The following CLEC4A variants were observed in gnomAD, a reference collection of about 807,000 sequenced individuals.
CLEC4A encodes C-type (calcium dependent, carbohydrate-recognition domain) lectin, superfamily member 6.
Under a neutral mutation model 32.7 loss-of-function variants are expected in CLEC4A, and 27 were observed. The observed-to-expected ratio is 0.83, with a 90% confidence interval of 0.61 to 1.14. CLEC4A has a LOEUF of 1.14. Among genes scored for constraint, CLEC4A ranks in the 50% most tolerant of loss-of-function variants. The pLI is 0.00. For synonymous variants in CLEC4A, 89 were observed against 93.7 expected (o/e 0.95, Z 0.29); for missense variants, 253 against 274.6 (o/e 0.92, Z 0.55).
rs2120571523 is a variant in CLEC4A at position 8,125,596 on chromosome 12, A to G, written c.118A>G (p.Thr40Ala). The change falls in exon 2 of 6, where the codon ACC becomes GCC. Residue 40 changes from threonine (T) to alanine (A), a missense_variant. Transcript: ENST00000229332. ...KERTAPHKSN[T>A]GFPKLLCASL... The stretch of plus-strand genomic sequence containing the variant: ...GAGGACTGCCCCTCACAAAAGTAAT[A>G]CCGGATTCCCCAAGCTGCTTTGTGC... The G allele has an allele frequency of 1.2e-6, 2 of 1,613,050 alleles. No homozygotes were observed. The highest frequency in any genetic ancestry group is 1.7e-6 in the Non-Finnish European group (2 of 1,179,076).
intron 4 of CLEC4A, 49 bp from the exon 5 acceptor site, chr12:8,136,739 T>C: frequency 1.7e-6 from 2 of 1,166,986 alleles, no homozygotes; most frequent in Non-Finnish European, 2.6e-6. Context: ...AAGAATTCAG[T>C]TTAAGCTGAA....
the CLEC4A span, among the ~76,000 whole-genome samples, chr12:8,105,558 G>A: frequency 1.3e-5 from 2 of 151,986 alleles, no homozygotes; most frequent in Admixed American, 6.5e-5. Context: ...CACCATCTTG[G>A]CCAGGCTGGT....
chr12:8,134,912 T>C, intron 3 of CLEC4A: 1 of 1,434,008 alleles, frequency 7.0e-7, no homozygotes, highest in Non-Finnish European at 9.2e-7. Context: ...CTTCTAGTTC[T>C]TTGCTGAAAC....
In CLEC4A at chr12:8,134,640, C is replaced by T. The variant is rs770502487; in HGVS notation, c.299-945C>T. ...CTGAGGCCCACAGTACGCCATCCCC[C>T]CGCAGAACTCATACGGCGGGGGACA... On this transcript the variant is annotated intron_variant, in intron 3 of 5. Transcript: ENST00000229332. The T allele has an allele frequency of 4.4e-6, 7 of 1,606,944 alleles. No individual in the cohort carries two copies. The South Asian group carries it at 7.8e-5, about 18-fold the overall frequency.
At chr12:8,105,351 CT>C in the CLEC4A span, among the ~76,000 whole-genome samples, 474 of 136,010 alleles carry the variant, frequency 3.5e-3, no homozygotes, top group East Asian at 4.3e-3. Flanking sequence ...TTTTTCTTTT[CT>C]TTTTTTTTTT....
At chr12:8,109,560 A>G in the CLEC4A span, among the ~76,000 whole-genome samples, 5 of 152,210 alleles carry the variant, frequency 3.3e-5, no homozygotes, top group Non-Finnish European at 7.3e-5. Context: ...TTTTAAAATT[A>G]AATTGCTTAG....
At chr12:8,116,703 T>A in the CLEC4A span, among the ~76,000 whole-genome samples, 2 of 152,218 alleles carry the variant, frequency 1.3e-5, no homozygotes, top group Admixed American at 6.5e-5. Flanking sequence ...CAATTTGGTT[T>A]TCCATCATAA....
At chr12:8,105,389 A>G in the CLEC4A span, among the ~76,000 whole-genome samples, 3 of 147,740 alleles carry the variant, frequency 2.0e-5, no homozygotes, top group African/African-American at 7.5e-5. Context: ...CGCTCTTGTC[A>G]CCCAGGCTGG....
At chr12:8,124,563 A>C (rs185167450) in intron 1 of CLEC4A, among the ~76,000 whole-genome samples, 10 of 152,266 alleles carry the variant, frequency 6.6e-5, no homozygotes, top group African/African-American at 2.2e-4. Flanking sequence ...TACGTTTGGG[A>C]GTAGATGCAA....
chr12:8,134,012 C>G (rs1356989456), intron 3 of CLEC4A: 1 of 1,605,066 alleles, frequency 6.2e-7, no homozygotes, highest in African/African-American at 1.3e-5. Flanking sequence ...CTTCTGGCGC[C>G]GGTTACAGAA....
the CLEC4A span, among the ~76,000 whole-genome samples, chr12:8,117,830 C>T: frequency 6.6e-6 from 1 of 152,148 alleles, no homozygotes; most frequent in African/African-American, 2.4e-5. Flanking sequence ...TGGGAATATT[C>T]TTCAAACATA....
At chr12:8,118,628 G>T (rs114057941), upstream of CLEC4A, among the ~76,000 whole-genome samples, 275 of 152,248 alleles carry the variant, frequency 1.8e-3, 1 homozygote, top group African/African-American at 6.4e-3. Flanking sequence ...CAGATCTCAC[G>T]AGAACTCACT....
At chr12:8,135,478 G>A in intron 3 of CLEC4A, 107 bp from the exon 4 acceptor site, 1 of 1,143,874 alleles carries the variant, frequency 8.7e-7, no homozygotes, top group South Asian at 1.7e-5. Flanking sequence ...GTGTGGAGGG[G>A]AGTTCCAGCT....
intron 3 of CLEC4A, among the ~76,000 whole-genome samples, chr12:8,135,011 TAAATCTTTGTCAGATAATTCTAACAA>T (rs1565406429): frequency 4.4e-4 from 46 of 104,342 alleles, no homozygotes; most frequent in East Asian, 1.2e-3. Context: ...TGGCTGCTTT[TAAATCTTTGTCAGATAATTCTAACAA>T]TTTTATTATC....
At chr12:8,124,079 C>CA (rs1947862735) in intron 1 of CLEC4A, 119 bp downstream of exon 1, 1 of 692,312 alleles carries the variant, frequency 1.4e-6, no homozygotes, top group Admixed American at 2.3e-5. Context: ...GTCTGGGAAA[C>CA]ACAAGAGTCC....
chr12:8,103,027 A>G, the CLEC4A span, among the ~76,000 whole-genome samples: 1 of 152,232 alleles, frequency 6.6e-6, no homozygotes, highest in East Asian at 1.9e-4. Context: ...AAAAATGTGG[A>G]CAATCAATTT....
At chr12:8,113,139 C>G in the CLEC4A span, among the ~76,000 whole-genome samples, 1 of 135,512 alleles carries the variant, frequency 7.4e-6, no homozygotes, top group African/African-American at 2.8e-5. Context: ...ACAACAGTCC[C>G]CAGTGTGTGA....
chr12:8,113,181 T>C, the CLEC4A span, among the ~76,000 whole-genome samples: 6 of 145,760 alleles, frequency 4.1e-5, no homozygotes, highest in Non-Finnish European at 7.5e-5. Flanking sequence ...GTGTTATCAT[T>C]GTTCAATTCC....
At chr12:8,128,412 CTT>C (rs71042335) in intron 2 of CLEC4A, among the ~76,000 whole-genome samples, 2,219 of 134,284 alleles carry the variant, frequency 0.017, 40 homozygotes, top group African/African-American at 0.048. Flanking sequence ...AGTTCAATTT[CTT>C]TTTTTTTTTT....
Sources: gnomAD v4.1 joint callset for allele counts (sites outside exome capture counted in the v4.1 genomes callset) on GRCh38, gnomAD v4.1.1 for gene constraint, MANE v1.5 for transcripts, NCBI Gene and HGNC (gene_info 2026-07-23, HGNC 2026-07-21) for gene names.